IGF2R: variants seen among roughly 807,000 people sequenced by gnomAD.
The protein encoded by IGF2R is cation-independent mannose-6-phosphate receptor.
IGF2R carries 91 observed loss-of-function variants against 270.6 expected under a neutral mutation model. That is an observed-to-expected ratio of 0.34 (90% CI 0.28 to 0.40). IGF2R has a LOEUF of 0.40. Ranked by LOEUF, IGF2R falls within the 10% of genes least tolerant of loss-of-function variation. The pLI, the probability that IGF2R is intolerant of heterozygous loss-of-function variation, is 1.00. For synonymous variants in IGF2R, 1,316 were observed against 1,258.9 expected (o/e 1.05, Z -0.96); for missense variants, 2,805 against 3,188.3 (o/e 0.88, Z 2.90).
At chr6:160,013,511 A>G (rs1463539334) in intron 4 of IGF2R, among the ~76,000 whole-genome samples, 4 of 151,962 alleles carry the variant, frequency 2.6e-5, no homozygotes, top group Non-Finnish European at 4.4e-5. Context: ...AAACAATGAC[A>G]TTTAATTTCT....
intron 10 of IGF2R, among the ~76,000 whole-genome samples, chr6:160,036,853 T>G (rs1036460689): frequency 1.3e-5 from 2 of 152,112 alleles, no homozygotes; most frequent in African/African-American, 2.4e-5. Flanking sequence ...CCCTCTGGGT[T>G]TGGTTCCCAG....
chr6:160,076,800 C>T (rs1222602058), intron 36 of IGF2R, among the ~76,000 whole-genome samples: 1 of 151,776 alleles, frequency 6.6e-6, no homozygotes, highest in Non-Finnish European at 1.5e-5. Flanking sequence ...GATATTGATA[C>T]ATCTAGCTGC....
chr6:160,027,151 C>T, intron 5 of IGF2R, 34 bp from the exon 6 acceptor site: 1 of 1,613,214 alleles, frequency 6.2e-7, no homozygotes, highest in Non-Finnish European at 8.5e-7. Flanking sequence ...ACTCCTAACA[C>T]CTAATCTGAT....
rs374422705 is a variant in IGF2R at position 160,060,726 on chromosome 6, G to T, written c.3262+9G>T. ...GGACTGCCAAGTCACCGGTAAGGCC[G>T]TGCGGCCTAAGAACTGAGAGGCCGG... On this transcript the variant is annotated intron_variant, in intron 23 of 47. Transcript: ENST00000356956. 25 of 1,613,992 alleles carry T rather than the reference G, an allele frequency of 1.5e-5. No individual in the cohort carries two copies. In the South Asian group the frequency reaches 2.4e-4, roughly 16 times the overall value.
chr6:159,970,692 T>C (rs1783596600), intron 1 of IGF2R, among the ~76,000 whole-genome samples: 1 of 152,230 alleles, frequency 6.6e-6, no homozygotes, highest in South Asian at 2.1e-4. Flanking sequence ...ACTAGTATGA[T>C]ACAGAGAAAT....
At chr6:160,049,360 C>T (rs8191814) in intron 18 of IGF2R, among the ~76,000 whole-genome samples, 1,736 of 152,236 alleles carry the variant, frequency 0.011, 31 homozygotes, top group African/African-American at 0.04. Flanking sequence ...ATTGTTGGAA[C>T]GAGTGTAGTG....
intron 4 of IGF2R, among the ~76,000 whole-genome samples, chr6:160,018,188 A>C (rs927538293): frequency 1.3e-5 from 2 of 152,192 alleles, no homozygotes; most frequent in African/African-American, 4.8e-5. Context: ...GCAAATGGAA[A>C]TCAAAAGCAA....
chr6:160,027,375 G>T, intron 6 of IGF2R, 61 bp downstream of exon 6: 1 of 1,523,326 alleles, frequency 6.6e-7, no homozygotes. Context: ...CTGACTTTCA[G>T]GGAGCTGCAG....
rs201644736 is a variant in IGF2R at position 160,096,566 on chromosome 6, C to T, written c.6783C>T (p.His2261=). The change falls in exon 45 of 48, where the codon CAC becomes CAT. Residue 2261 remains histidine (H), a synonymous_variant. Coordinates refer to ENST00000356956, the MANE Select transcript of IGF2R (RefSeq NM_000876.4). ...AGGACGGGATCCCCGAGTTCAGTCA[C>T]GAGACTGCCGACTGCCAGTACCTCT... ...LVEDGIPEFS[H]ETADCQYLFS... is the part of the protein sequence containing the mutation. 1.2e-4 allele frequency: 200 copies of T among 1,614,156 alleles called. 1 individual carries two copies. Among genetic ancestry groups the T allele is most frequent in the South Asian group, 2.1e-4 (19 of 91,078 alleles).
intron 2 of IGF2R, among the ~76,000 whole-genome samples, chr6:160,001,414 T>G (rs1784128956): frequency 6.6e-6 from 1 of 152,078 alleles, no homozygotes; most frequent in African/African-American, 2.4e-5. Flanking sequence ...GATTCTGCAC[T>G]GTGGTGTGTT....
chr6:160,091,937 A>G (rs752222325), intron 44 of IGF2R, among the ~76,000 whole-genome samples: 1 of 152,148 alleles, frequency 6.6e-6, no homozygotes, highest in Non-Finnish European at 1.5e-5. Flanking sequence ...CAGGTTATTC[A>G]CTAGTTCCCA....
chr6:159,997,248 G>A (rs543371869), intron 2 of IGF2R, among the ~76,000 whole-genome samples: 3 of 152,260 alleles, frequency 2.0e-5, no homozygotes, highest in Non-Finnish European at 4.4e-5. Context: ...CACTCCCTGA[G>A]GGTAGATCTC....
chr6:160,077,239 T>C (rs531046172), intron 36 of IGF2R, among the ~76,000 whole-genome samples: 3 of 152,228 alleles, frequency 2.0e-5, no homozygotes, highest in Admixed American at 1.3e-4. Flanking sequence ...TGCATCTGTT[T>C]ATAAGCGTAT....
At chr6:160,012,448 T>G (rs1784348714) in intron 4 of IGF2R, among the ~76,000 whole-genome samples, 2 of 152,162 alleles carry the variant, frequency 1.3e-5, no homozygotes, top group South Asian at 4.2e-4. Context: ...TGGAGAAGCC[T>G]CAGGAAACTT....
intron 41 of IGF2R, among the ~76,000 whole-genome samples, chr6:160,086,837 C>T (rs1043430933): frequency 6.6e-6 from 1 of 152,282 alleles, no homozygotes; most frequent in Admixed American, 6.5e-5. Flanking sequence ...AGCACTGTGC[C>T]CATGTTGCCT....
intron 4 of IGF2R, among the ~76,000 whole-genome samples, chr6:160,018,367 G>T (rs1933846777): frequency 6.6e-6 from 1 of 152,046 alleles, no homozygotes; most frequent in Non-Finnish European, 1.5e-5. Context: ...ACAACTGCTG[G>T]TAGACTTCAG....
chr6:160,097,988 C>T (rs538084804), intron 45 of IGF2R, among the ~76,000 whole-genome samples: 30 of 152,186 alleles, frequency 2.0e-4, no homozygotes, highest in African/African-American at 3.6e-4. Context: ...GTTCCGGTGA[C>T]GTCATTACAA....
At position 160,090,059 on chromosome 6, in the gene IGF2R, G is replaced by T; in HGVS notation, c.6611G>T (p.Ser2204Ile). 1.9e-6 allele frequency: 3 copies of T among 1,588,284 alleles called. No homozygotes were observed. Among genetic ancestry groups the T allele is most frequent in the Admixed American group, 1.8e-5 (1 of 55,928 alleles). ...GTGAAGCCCAACGATCAGCACTTCAGTCGGAAAGTTGGAACCTCTGACAAG... is the reference window on the plus strand; with the variant it reads ...GTGAAGCCCAACGATCAGCACTTCATTCGGAAAGTTGGAACCTCTGACAAG... ...CQVKPNDQHF[S>I]RKVGTSDKTK... is the part of the protein sequence containing the mutation. The change falls in exon 44 of 48, where the codon AGT (serine) becomes ATT (isoleucine). Residue 2204 changes from serine (S) to isoleucine (I), a missense_variant. Around this residue, in one of 2 missense-constraint regions of IGF2R, gnomAD observed 1,851 missense variants for 2,207.2 expected, o/e 0.84. Coordinates refer to ENST00000356956, the MANE Select transcript of IGF2R (RefSeq NM_000876.4).
At chr6:159,979,427 C>T (rs187276425) in intron 1 of IGF2R, among the ~76,000 whole-genome samples, 4 of 152,210 alleles carry the variant, frequency 2.6e-5, no homozygotes, top group Non-Finnish European at 4.4e-5. Context: ...TCCACCTGCT[C>T]TCTGCTCTCG....
Sources: allele counts gnomAD v4.1 joint callset (sites outside exome capture counted in the v4.1 genomes callset), GRCh38; gene constraint gnomAD v4.1.1; regional missense constraint gnomAD v4.1.1; transcripts MANE v1.5; gene names NCBI Gene and HGNC (gene_info 2026-07-23, HGNC 2026-07-21).